OSBPL1A: variants seen among roughly 807,000 people sequenced by gnomAD.
The protein encoded by OSBPL1A is oxysterol binding protein like 1A.
OSBPL1A carries 80 observed loss-of-function variants against 137.1 expected under a neutral mutation model. That is an observed-to-expected ratio of 0.58 (90% confidence interval 0.49 to 0.70). OSBPL1A has a LOEUF of 0.70. Ranked by LOEUF, OSBPL1A falls within the 30% of genes least tolerant of loss-of-function variation. The probability of loss-of-function intolerance (pLI) is 0.00; values close to 1 mark genes in which losing one functional copy is unlikely to be tolerated. For missense variants in OSBPL1A, 970 were observed against 1,129.4 expected, an observed-to-expected ratio of 0.86 and a Z score of 2.02; for synonymous variants, 365 against 389.7, an observed-to-expected ratio of 0.94 and a Z score of 0.75.
chr18:24,320,387 T>C (rs986798577), intron 7 of OSBPL1A, among the ~76,000 whole-genome samples: 2 of 152,184 alleles, frequency 1.3e-5, no homozygotes, highest in African/African-American at 2.4e-5. Context: ...GTAACTGGGA[T>C]ACCACTTTAG....
intron 13 of OSBPL1A, among the ~76,000 whole-genome samples, chr18:24,310,236 G>C (rs1297542846): frequency 6.6e-6 from 1 of 151,690 alleles, no homozygotes; most frequent in African/African-American, 2.4e-5. Context: ...AAAACATTAA[G>C]GAATAAACTG....
Position 24,196,186 on chromosome 18 carries a change from G to T in OSBPL1A, c.1616C>A (p.Ser539Tyr), listed in dbSNP as rs751122281. 3.1e-6 allele frequency: 5 copies of T among 1,609,046 alleles called. No homozygotes were observed. In the Admixed American group the frequency reaches 6.7e-5, roughly 21 times the overall value. Reference sequence around the variant, plus strand: ...GAAGTCATTTCTGGAAAACATAGGAGAAGGCAAACTTGTTCTGAAAAAAGA... The same window carrying T: ...GAAGTCATTTCTGGAAAACATAGGATAAGGCAAACTTGTTCTGAAAAAAGA... ...GIKKHRTSLP[S>Y]PMFSRNDFSI... Residue 539 changes from serine (S) to tyrosine (Y), a missense_variant, in exon 18 of 28, where the codon TCT becomes TAT. Physicochemically the swap from Ser to Tyr is moderately radical, Grantham distance 144. Transcript: ENST00000319481.
chr18:24,224,039 C>T (rs1332499944), intron 17 of OSBPL1A, among the ~76,000 whole-genome samples: 5 of 152,076 alleles, frequency 3.3e-5, no homozygotes, highest in African/African-American at 1.2e-4. Context: ...ACATAATTTG[C>T]AATTATAAGC....
At chr18:24,253,046 G>A (rs559597081) in intron 15 of OSBPL1A, among the ~76,000 whole-genome samples, 76 of 151,394 alleles carry the variant, frequency 5.0e-4, no homozygotes, top group African/African-American at 1.7e-3. Context: ...AGGAAGGAAA[G>A]AAGGAAGGAA....
rs115440661 is a variant in OSBPL1A at position 24,271,101 on chromosome 18, C to T, written c.1281+9741G>A. ...TCAAAACATTAAAGTTAAAAGCCAC[C>T]TCCCCATTCCCCAACACAAATAGAA... On this transcript the variant is annotated intron_variant, in intron 15 of 27. Transcript: ENST00000319481. The surrounding 1 kb of genome is among the most constrained non-coding windows in gnomAD (Gnocchi z 4.0). Among the ~76,000 whole-genome samples, 459 of 152,276 alleles carry T rather than the reference C, an allele frequency of 3.0e-3. 3 individuals are homozygous for T. Among genetic ancestry groups the T allele is most frequent in the African/African-American group, 0.011 (438 of 41,568 alleles).
chr18:24,342,286 A>C (rs1250173047), intron 4 of OSBPL1A, among the ~76,000 whole-genome samples: 1 of 152,208 alleles, frequency 6.6e-6, no homozygotes, highest in Non-Finnish European at 1.5e-5. Flanking sequence ...TGGAAATTTC[A>C]AATGATAATG....
At chr18:24,228,861 A>G (rs950126278) in intron 16 of OSBPL1A, among the ~76,000 whole-genome samples, 1 of 152,196 alleles carries the variant, frequency 6.6e-6, no homozygotes, top group East Asian at 1.9e-4. Context: ...ACGGGCAGAC[A>G]TGAGACTGTG....
chr18:24,287,157 G>A (rs2090078999), intron 14 of OSBPL1A, among the ~76,000 whole-genome samples: 2 of 152,178 alleles, frequency 1.3e-5, no homozygotes, highest in Non-Finnish European at 2.9e-5. Context: ...GAGGCAATAA[G>A]GAAGTTAATT....
chr18:24,357,424 C>T (rs8091324), intron 4 of OSBPL1A: 32,976 of 151,988 alleles, frequency 0.22, 4,113 homozygotes, highest in East Asian at 0.5. Flanking sequence ...TATGCATTTG[C>T]GTGTGGTGGG....
At chr18:24,365,819 C>T (rs913152531) in intron 4 of OSBPL1A, among the ~76,000 whole-genome samples, 1 of 152,142 alleles carries the variant, frequency 6.6e-6, no homozygotes, top group Non-Finnish European at 1.5e-5. Context: ...TTATGCTTTT[C>T]CTCTGCTCTC....
chr18:24,246,058 A>C (rs1359642540), intron 15 of OSBPL1A, among the ~76,000 whole-genome samples: 2 of 151,974 alleles, frequency 1.3e-5, no homozygotes, highest in African/African-American at 4.8e-5. Context: ...AAAAATATAC[A>C]AAAATTAGGC....
At chr18:24,196,289 G>T in intron 17 of OSBPL1A, 89 bp from the exon 18 acceptor site, 1 of 857,354 alleles carries the variant, frequency 1.2e-6, no homozygotes, top group Non-Finnish European at 1.9e-6. Context: ...GAGAGCTGCA[G>T]GCACAGAAAG....
At chr18:24,200,428 G>T (rs2087184207) in intron 17 of OSBPL1A, among the ~76,000 whole-genome samples, 1 of 152,036 alleles carries the variant, frequency 6.6e-6, no homozygotes, top group Admixed American at 6.6e-5. Context: ...CAGGTGCAGT[G>T]GTGGGTGCCT....
At chr18:24,196,281 G>A (rs2087028461) in intron 17 of OSBPL1A, 81 bp from the exon 18 acceptor site, 8 of 934,024 alleles carry the variant, frequency 8.6e-6, no homozygotes, top group African/African-American at 1.6e-5. Flanking sequence ...ATTCACATGA[G>A]AGCTGCAGGC....
At chr18:24,209,806 C>T (rs2087480134) in intron 17 of OSBPL1A, among the ~76,000 whole-genome samples, 1 of 152,180 alleles carries the variant, frequency 6.6e-6, no homozygotes, top group African/African-American at 2.4e-5. Context: ...ATTTATAATG[C>T]AGTTCAAGAT....
At chr18:24,171,065 C>A in intron 23 of OSBPL1A, among the ~76,000 whole-genome samples, 1 of 149,806 alleles carries the variant, frequency 6.7e-6, no homozygotes. Flanking sequence ...TAGATGGAGT[C>A]TCGCTGTCAC....
chr18:24,245,426 C>T (rs1278654993), intron 15 of OSBPL1A, among the ~76,000 whole-genome samples: 2 of 152,174 alleles, frequency 1.3e-5, no homozygotes, highest in African/African-American at 4.8e-5. Context: ...CAACAATGTT[C>T]TCACTTCAAA....
intron 15 of OSBPL1A, among the ~76,000 whole-genome samples, chr18:24,276,259 T>G (rs1009364421): frequency 6.6e-6 from 1 of 152,302 alleles, no homozygotes; most frequent in Admixed American, 6.5e-5. Context: ...AACCAGTTTC[T>G]GGCATTTTGA....
rs2146073696 is a variant in OSBPL1A, at chr18:24,280,823, T to A, written c.1281+19A>T. 1 of 1,498,178 alleles carries A rather than the reference T, an allele frequency of 6.7e-7. No homozygotes were observed. The highest frequency in any genetic ancestry group is 2.4e-5 in the East Asian group (1 of 41,510). 92.8% of individuals were successfully genotyped at this position (1,498,178 alleles called of 1,614,324 possible). A position where few individuals can be genotyped will look rare whatever the true frequency, so the allele number is the denominator to read the frequency against. On this transcript the variant is annotated intron_variant, in intron 15 of 27. Transcript: ENST00000319481. ...ACATCCAAACAATTATTTTACAAAT[T>A]CAATTCTGAACTACCTACCCCTTCT...
Sources: allele counts gnomAD v4.1 joint callset (sites outside exome capture counted in the v4.1 genomes callset), GRCh38; gene constraint gnomAD v4.1.1; non-coding constraint Gnocchi (gnomAD v3.1); transcripts MANE v1.5; gene names NCBI Gene and HGNC (gene_info 2026-07-23, HGNC 2026-07-21).